Variants in ROS1 observed in about 807,000 individuals in gnomAD.
The protein encoded by ROS1 is ROS proto-oncogene 1, receptor tyrosine kinase, also known as proto-oncogene tyrosine-protein kinase ROS.
In ROS1, 263 loss-of-function variants were observed where a neutral mutation model predicts 273.5. The ratio of observed to expected loss-of-function variants is 0.96; its 90% CI spans 0.87 to 1.06. The LOEUF is 1.06. Ranked by LOEUF, ROS1 falls within the 50% of genes least tolerant of loss-of-function variation. ROS1 has a pLI of 0.00. For synonymous variants in ROS1, 1,008 were observed against 954.1 expected, an observed-to-expected ratio of 1.06 and a Z score of -1.04; for missense variants, 2,833 against 2,751.1, an observed-to-expected ratio of 1.03 and a Z score of -0.67.
At chr6:117,383,844 A>G (rs1457198643) in intron 16 of ROS1, among the ~76,000 whole-genome samples, 1 of 152,244 alleles carries the variant, frequency 6.6e-6, no homozygotes, top group Non-Finnish European at 1.5e-5. Flanking sequence ...AGACTCCCGA[A>G]AAAAGATGTT....
chr6:117,375,545 C>A (rs1014503140), intron 18 of ROS1, among the ~76,000 whole-genome samples: 1 of 152,100 alleles, frequency 6.6e-6, no homozygotes. Flanking sequence ...ATCTATAGAA[C>A]CTACCTGCAC....
intron 27 of ROS1, among the ~76,000 whole-genome samples, chr6:117,351,598 C>T (rs548548115): frequency 1.3e-5 from 2 of 152,324 alleles, no homozygotes; most frequent in South Asian, 2.1e-4. Context: ...TTTTCTACCA[C>T]TAACACTGCT....
At chr6:117,321,997 T>C (rs1404333894) in intron 35 of ROS1, among the ~76,000 whole-genome samples, 1 of 151,874 alleles carries the variant, frequency 6.6e-6, no homozygotes, top group Non-Finnish European at 1.5e-5. Context: ...CCTTATATAA[T>C]AAGCAGTATT....
At chr6:117,401,802 GT>G (rs1361387959) in intron 7 of ROS1, among the ~76,000 whole-genome samples, 2 of 31,376 alleles carry the variant, frequency 6.4e-5, no homozygotes, top group African/African-American at 3.7e-4. Flanking sequence ...AAACTTTTCA[GT>G]AAAAAAAAAA....
rs1253670034 is a variant in ROS1 at position 117,362,867 on chromosome 6, T to C, written c.3104-2A>G. ...TGGGGTTCTCTGGTGCTGATGGAAC[T>C]GAAAAGTAGAGGCACAGGTAGAGCA... On this transcript the variant is annotated splice_acceptor_variant, in intron 21 of 43. Transcript: ENST00000368507. LOFTEE classifies it high-confidence loss of function. The C allele has an allele frequency of 6.2e-7, 1 of 1,606,938 alleles. No homozygotes were observed. The highest frequency in any genetic ancestry group is 1.7e-5 in the Admixed American group (1 of 59,128).
chr6:117,357,654 T>A (rs1337073170), intron 25 of ROS1, 150 bp downstream of exon 25: 1 of 543,266 alleles, frequency 1.8e-6, no homozygotes, highest in Non-Finnish European at 3.2e-6. Context: ...CTAATTTATA[T>A]GAAGAACTAC....
intron 33 of ROS1, 63 bp downstream of exon 33, chr6:117,329,266 G>T (rs1776876189): frequency 1.3e-6 from 1 of 780,392 alleles, no homozygotes; most frequent in South Asian, 1.7e-5. Context: ...TGTTACTTTT[G>T]ATTACTTTAT....
intron 43 of ROS1, among the ~76,000 whole-genome samples, chr6:117,294,437 C>T (rs544998436): frequency 1.3e-5 from 2 of 152,246 alleles, no homozygotes; most frequent in Non-Finnish European, 2.9e-5. Context: ...ATATGTTGAA[C>T]TATCCTTGCA....
rs1001750135 is a variant in ROS1 at position 117,311,032 on chromosome 6, T to C, written c.6203A>G (p.His2068Arg). The C allele has an allele frequency of 6.2e-7, 1 of 1,606,544 alleles. No individual in the cohort carries two copies. The highest frequency in any genetic ancestry group is 1.1e-5 in the South Asian group (1 of 90,464). The part of the protein sequence containing the change: ...SKGCVYLERM[H>R]FIHRDLAARN... Reference sequence around the variant, plus strand: ...AAGAGAATTGTACCTGTGAATGAAATGCATCCGTTCCAAGTAGACACAGCC... The same window carrying C: ...AAGAGAATTGTACCTGTGAATGAAACGCATCCGTTCCAAGTAGACACAGCC... The change falls in exon 40 of 44, where the codon CAT (histidine) becomes CGT (arginine). Residue 2068 changes from histidine to arginine, a missense_variant. Physicochemically the swap from His to Arg is conservative, Grantham distance 29 (BLOSUM62 0). Coordinates refer to ENST00000368507, the MANE Select transcript of ROS1 (RefSeq NM_001378902.1).
intron 4 of ROS1, among the ~76,000 whole-genome samples, chr6:117,410,231 G>A (rs757104788): frequency 6.6e-6 from 1 of 152,132 alleles, no homozygotes; most frequent in Non-Finnish European, 1.5e-5. Context: ...GTGTCACATC[G>A]TATGGTTTGA....
chr6:117,341,930 G>A (rs952020728), intron 29 of ROS1, among the ~76,000 whole-genome samples: 2 of 152,056 alleles, frequency 1.3e-5, no homozygotes, highest in African/African-American at 4.8e-5. Context: ...TGAAATAAAC[G>A]TCATCACCTC....
In ROS1 at chr6:117,403,236, G is replaced by A. The variant is rs764887115; in HGVS notation, c.507C>T (p.Pro169=). ...RPSYVVKPLH[P]FTEYIFRVVW... ...CCACTCGGAAAATGTACTCAGTGAA[G>A]GGGTGCAGGGGCTTGACCACATAGG... is the stretch of plus-strand genomic sequence containing the variant. Residue 169 remains proline (P), a synonymous_variant, in exon 7 of 44, where the codon CCC becomes CCT. Coordinates refer to ENST00000368507, the MANE Select transcript of ROS1 (RefSeq NM_001378902.1). The A allele has an allele frequency of 3.7e-6, 6 of 1,611,616 alleles. No homozygotes were observed. Among genetic ancestry groups the A allele is most frequent in the Non-Finnish European group, 4.2e-6 (5 of 1,179,558 alleles).
intron 7 of ROS1, among the ~76,000 whole-genome samples, chr6:117,398,490 C>T (rs540416190): frequency 8.5e-5 from 13 of 152,082 alleles, no homozygotes; most frequent in African/African-American, 1.2e-4. Context: ...ATCAGCCTGG[C>T]CTACATGGCA....
rs1772635464 is a variant in ROS1, at chr6:117,386,979, T to C, written c.2020A>G (p.Met674Val). Residue 674 changes from methionine (M) to valine (V), a missense_variant, in exon 15 of 44, where the codon ATG becomes GTG. Physicochemically the swap from Met to Val is conservative, Grantham distance 21 (BLOSUM62 1). Transcript: ENST00000368507. ...LVPASEPPFI[M>V]AVKEDGLWSK... ...CAAAGCCCATCTTCTTTCACAGCCA[T>C]GATAAATGGTGGTTCACTAGCTGTT... The C allele has an allele frequency of 1.2e-6, 2 of 1,609,674 alleles. No individual in the cohort carries two copies. The highest frequency in any genetic ancestry group is 1.7e-5 in the Admixed American group (1 of 59,558).
At chr6:117,372,182 G>A (rs1434304140) in intron 18 of ROS1, among the ~76,000 whole-genome samples, 1 of 152,064 alleles carries the variant, frequency 6.6e-6, no homozygotes, top group African/African-American at 2.4e-5. Flanking sequence ...TCTGAGAACT[G>A]GAACAAGACA....
Position 117,288,529 on chromosome 6 carries a change from C to T in ROS1, c.6989G>A (p.Cys2330Tyr). The T allele has an allele frequency of 3.1e-6, 5 of 1,614,030 alleles. No homozygotes were observed. Among genetic ancestry groups the T allele is most frequent in the African/African-American group, 1.3e-5 (1 of 75,018 alleles). The change falls in exon 44 of 44, where the codon TGT (cysteine) becomes TAT (tyrosine). Residue 2330 changes from cysteine (C) to tyrosine (Y), a missense_variant. Cys to Tyr is a radical substitution (Grantham distance 194, BLOSUM62 -2). Transcript: ENST00000368507. ...ATCTCCATATCCACTGTGAGTGAGA[C>T]AGGCATAGTTCAGGCCTTCAGGCTT... ...SGKPEGLNYA[C>Y]LTHSGYGDGS...
intron 18 of ROS1, among the ~76,000 whole-genome samples, chr6:117,371,347 C>T (rs916871949): frequency 3.9e-5 from 6 of 152,082 alleles, no homozygotes; most frequent in African/African-American, 1.4e-4. Context: ...AGGATTTGAC[C>T]TCACATGCAG....
At chr6:117,383,627 A>T in intron 16 of ROS1, 119 bp from the exon 17 acceptor site, 3 of 803,248 alleles carry the variant, frequency 3.7e-6, no homozygotes, top group Non-Finnish European at 6.2e-6. Flanking sequence ...AACCACAAAT[A>T]GTGATTGGCA....
intron 41 of ROS1, among the ~76,000 whole-genome samples, chr6:117,309,663 A>C (rs1160851636): frequency 2.6e-5 from 4 of 152,162 alleles, no homozygotes; most frequent in Non-Finnish European, 5.9e-5. Context: ...AGGGATGTCC[A>C]AATCTCCCCA....
Sources: allele counts gnomAD v4.1 joint callset (sites outside exome capture counted in the v4.1 genomes callset), GRCh38; gene constraint gnomAD v4.1.1; transcripts MANE v1.5; gene names NCBI Gene and HGNC (gene_info 2026-07-23, HGNC 2026-07-21).